RAB22A: variants seen among roughly 807,000 people sequenced by gnomAD.
RAB22A encodes the protein ras-related protein Rab-22A.
Under a neutral mutation model 30.2 loss-of-function variants are expected in RAB22A, and 13 were observed. The observed-to-expected ratio is 0.43, with a 90% CI of 0.28 to 0.68. The LOEUF is 0.68. Among genes scored for constraint, RAB22A ranks in the 30% least tolerant of loss-of-function variants. The pLI, the probability that RAB22A is intolerant of heterozygous loss-of-function variation, is 0.18. For synonymous variants in RAB22A, 89 were observed against 87.2 expected, an observed-to-expected ratio of 1.02 and a Z score of -0.11; for missense variants, 177 against 246.8, an observed-to-expected ratio of 0.72 and a Z score of 1.89.
At chr20:58,355,522 T>TAGGAG (rs897132985) in intron 6 of RAB22A, among the ~76,000 whole-genome samples, 14 of 152,158 alleles carry the variant, frequency 9.2e-5, no homozygotes, top group African/African-American at 2.7e-4. Flanking sequence ...ATTTCAGTGT[T>TAGGAG]AAAACGTCAT....
At chr20:58,349,500 A>C (rs1293616766) in intron 3 of RAB22A, among the ~76,000 whole-genome samples, 1 of 152,252 alleles carries the variant, frequency 6.6e-6, no homozygotes, top group African/African-American at 2.4e-5. Context: ...GTGAATTCAC[A>C]AGAGAGACAT....
intron 6 of RAB22A, among the ~76,000 whole-genome samples, chr20:58,358,657 G>A (rs1253404437): frequency 6.6e-6 from 1 of 152,184 alleles, no homozygotes; most frequent in Non-Finnish European, 1.5e-5. Flanking sequence ...CACTTTGGGA[G>A]GCTAAGGCAA....
At position 58,361,832 on chromosome 20, in the gene RAB22A, TG is replaced by T. The variant is rs1406489417; in HGVS notation, c.*2131del. ...TTCCACCACACCCACCAGTAGCTGT[TG>T]GTGATTGCATGGTGTCTCGGTGCAT... On this transcript the variant is annotated 3_prime_UTR_variant, in exon 7 of 7. Transcript: ENST00000244040. 2.0e-5 allele frequency: 3 copies of T among 152,064 alleles called. No homozygotes were observed. The highest frequency in any genetic ancestry group is 7.2e-5 in the African/African-American group (3 of 41,388). The allele number at this position is 152,064 out of a possible 1,614,324, so 9.4% of individuals were successfully genotyped here.
At chr20:58,352,729 T>C (rs968222526) in intron 3 of RAB22A, among the ~76,000 whole-genome samples, 1 of 152,198 alleles carries the variant, frequency 6.6e-6, no homozygotes, top group Non-Finnish European at 1.5e-5. Context: ...TGAAATGAGA[T>C]CTGTACCCAG....
intron 2 of RAB22A, among the ~76,000 whole-genome samples, chr20:58,322,902 T>C (rs552508746): frequency 7.7e-4 from 117 of 152,210 alleles, no homozygotes; most frequent in Non-Finnish European, 1.3e-3. Context: ...TCCAGTGGTG[T>C]GAATTTTCTG....
At chr20:58,352,604 G>A (rs1237666126) in intron 3 of RAB22A, among the ~76,000 whole-genome samples, 2 of 152,140 alleles carry the variant, frequency 1.3e-5, no homozygotes, top group African/African-American at 4.8e-5. Context: ...CTGTTCAAAT[G>A]GTTATTCCTC....
At chr20:58,330,033 G>C (rs1040403361) in intron 2 of RAB22A, among the ~76,000 whole-genome samples, 1 of 152,128 alleles carries the variant, frequency 6.6e-6, no homozygotes, top group African/African-American at 2.4e-5. Flanking sequence ...AAATGATAAA[G>C]CAACTATTTA....
chr20:58,341,156 G>A (rs774382956), intron 2 of RAB22A, among the ~76,000 whole-genome samples: 36 of 152,222 alleles, frequency 2.4e-4, no homozygotes, highest in Non-Finnish European at 4.3e-4. Flanking sequence ...CTGGTTGAAA[G>A]TCTTGGGGCT....
intron 2 of RAB22A, among the ~76,000 whole-genome samples, chr20:58,331,452 C>T (rs1347563534): frequency 6.6e-6 from 1 of 152,184 alleles, no homozygotes; most frequent in Non-Finnish European, 1.5e-5. Flanking sequence ...AATAGACGCT[C>T]AGTAAAAAAT....
chr20:58,332,243 A>C (rs910223439), intron 2 of RAB22A, among the ~76,000 whole-genome samples: 2 of 152,264 alleles, frequency 1.3e-5, no homozygotes, highest in African/African-American at 4.8e-5. Context: ...AATAAGTGAT[A>C]GACCATTCAG....
intron 2 of RAB22A, among the ~76,000 whole-genome samples, chr20:58,331,868 G>C (rs1485137020): frequency 6.6e-6 from 1 of 152,100 alleles, no homozygotes; most frequent in Admixed American, 6.6e-5. Flanking sequence ...TCCAGGTGAC[G>C]GGTATTTAAA....
chr20:58,343,684 A>T (rs1196072373), intron 2 of RAB22A, 34 bp from the exon 3 acceptor site: 1 of 1,535,332 alleles, frequency 6.5e-7, no homozygotes, highest in Non-Finnish European at 9.0e-7. Context: ...GCTTTACATA[A>T]TTGTATTCTG....
intron 2 of RAB22A, among the ~76,000 whole-genome samples, chr20:58,317,128 C>T (rs1249882713): frequency 6.6e-6 from 1 of 151,504 alleles, no homozygotes; most frequent in African/African-American, 2.4e-5. Flanking sequence ...TGGAGTTTTG[C>T]TCTTGTCGCC....
intron 2 of RAB22A, among the ~76,000 whole-genome samples, chr20:58,324,010 G>A (rs969968169): frequency 4.6e-5 from 7 of 152,032 alleles, no homozygotes; most frequent in African/African-American, 1.4e-4. Flanking sequence ...GAATTTTTAT[G>A]TATGTTTATA....
In RAB22A at chr20:58,353,173, A is replaced by C. The variant is rs1987080386; in HGVS notation, c.199-100A>C. Reference sequence around the variant, plus strand: ...CATGTCATTTTCTTGGCTTAAGAGAAAGATTACTTTTTGTGCAGGGATAAT... The same window carrying C: ...CATGTCATTTTCTTGGCTTAAGAGACAGATTACTTTTTGTGCAGGGATAAT... On this transcript the variant is annotated intron_variant, in intron 3 of 6. Transcript: ENST00000244040. 3 of 1,124,706 alleles carry C rather than the reference A, an allele frequency of 2.7e-6. No individual in the cohort carries two copies. The Admixed American group carries it at 7.3e-5, about 27-fold the overall frequency. 69.7% of individuals were successfully genotyped at this position (1,124,706 alleles called of 1,614,324 possible). A position where few individuals can be genotyped will look rare whatever the true frequency, so the allele number is the denominator to read the frequency against.
intron 6 of RAB22A, among the ~76,000 whole-genome samples, chr20:58,358,409 G>C (rs950945156): frequency 3.9e-5 from 6 of 152,188 alleles, no homozygotes; most frequent in Non-Finnish European, 8.8e-5. Flanking sequence ...ATACCCAGGA[G>C]TAGAATACCG....
intron 2 of RAB22A, among the ~76,000 whole-genome samples, chr20:58,323,615 T>TTTTTTTTTTC (rs1378036129): frequency 1.5e-3 from 217 of 145,270 alleles, no homozygotes; most frequent in African/African-American, 5.6e-3. Context: ...AAACGTGCCC[T>TTTTTTTTTTC]TTTTTTTTTC....
At chr20:58,310,270 C>T (rs1038194944) in intron 1 of RAB22A, among the ~76,000 whole-genome samples, 4 of 152,000 alleles carry the variant, frequency 2.6e-5, no homozygotes, top group African/African-American at 9.7e-5. Context: ...GAGCAAACAG[C>T]CCCCCCTTGC....
In RAB22A at chr20:58,309,957, G is replaced by T; in HGVS notation, c.-20G>T. ...CTCAACTTAGGGCGGCGGCGGGCCCGCGCCCCTGGCTCCCGGGCCATGGCG... is the reference window on the plus strand; with the variant it reads ...CTCAACTTAGGGCGGCGGCGGGCCCTCGCCCCTGGCTCCCGGGCCATGGCG... On this transcript the variant is annotated 5_prime_UTR_variant, in exon 1 of 7. Coordinates refer to ENST00000244040, the MANE Select transcript of RAB22A (RefSeq NM_020673.3). 1 of 1,264,744 alleles carries T rather than the reference G, an allele frequency of 7.9e-7. No individual in the cohort carries two copies. Among genetic ancestry groups the T allele is most frequent in the Non-Finnish European group, 1.0e-6 (1 of 997,518 alleles). 78.3% of individuals were successfully genotyped at this position (1,264,744 alleles called of 1,614,324 possible).
Sources: gnomAD v4.1 joint callset for allele counts (sites outside exome capture counted in the v4.1 genomes callset) on GRCh38, gnomAD v4.1.1 for gene constraint, MANE v1.5 for transcripts, NCBI Gene and HGNC (gene_info 2026-07-23, HGNC 2026-07-21) for gene names.